Variants in ZNF536 observed in about 807,000 individuals in gnomAD.
ZNF536 encodes zinc finger protein 536.
ZNF536 carries 13 observed loss-of-function variants against 84.5 expected under a neutral mutation model. The observed-to-expected ratio is 0.15, with a 90% CI of 0.10 to 0.24. ZNF536 has a LOEUF of 0.24. Ranked by LOEUF, ZNF536 falls within the 10% of genes least tolerant of loss-of-function variation. The pLI, the probability that ZNF536 is intolerant of heterozygous loss-of-function variation, is 1.00. For missense variants in ZNF536, 1,536 were observed against 1,747.5 expected, an observed-to-expected ratio of 0.88 and a Z score of 2.16; for synonymous variants, 811 against 742.5, an observed-to-expected ratio of 1.09 and a Z score of -1.50.
intron 1 of ZNF536, among the ~76,000 whole-genome samples, chr19:30,568,867 C>T (rs1337266969): frequency 2.0e-5 from 3 of 152,234 alleles, no homozygotes. Flanking sequence ...CAGCAGGTCA[C>T]AGGACCATGG....
At chr19:30,429,435 G>A (rs569361048) in intron 1 of ZNF536, among the ~76,000 whole-genome samples, 2 of 152,228 alleles carry the variant, frequency 1.3e-5, no homozygotes, top group African/African-American at 2.4e-5. Context: ...AGCAGTAGAG[G>A]TTCAGAATGG....
chr19:30,390,301 TCTC>T (rs368534781), intron 1 of ZNF536, among the ~76,000 whole-genome samples: 3 of 152,308 alleles, frequency 2.0e-5, no homozygotes, highest in East Asian at 1.9e-4. Flanking sequence ...GCTAGGGACT[TCTC>T]CTCTTTCTCT....
At chr19:30,311,212 G>T (rs192754703) in intron 2 of ZNF536, among the ~76,000 whole-genome samples, 2 of 152,266 alleles carry the variant, frequency 1.3e-5, no homozygotes, top group Non-Finnish European at 2.9e-5. Flanking sequence ...CAGAGGTGGA[G>T]GGAGATCAGG....
At chr19:30,464,267 C>T (rs1418463707) in intron 2 of ZNF536, among the ~76,000 whole-genome samples, 1 of 152,134 alleles carries the variant, frequency 6.6e-6, no homozygotes, top group Non-Finnish European at 1.5e-5. Context: ...GTGAGTCTGA[C>T]TGAGTTTACC....
chr19:30,613,108 G>A lies in ZNF536; in HGVS notation c.169+63594G>A, dbSNP rs149180899. Among the ~76,000 whole-genome samples, 45 of 152,282 alleles carry A rather than the reference G, an allele frequency of 3.0e-4. 1 individual carries two copies. The East Asian group carries it at 7.0e-3, about 24-fold the overall frequency. On this transcript the variant is annotated intron_variant, in intron 1 of 1. Coordinates refer to the ZNF536 transcript ENST00000592773. The stretch of plus-strand genomic sequence containing the variant: ...AAAGATGCCATGGGACTGATGTCAC[G>A]TCCTCAGTGCATCCGGTCAGGAGGA...
chr19:30,711,174 T>A (rs2052443981), exon 2 of ZNF536: 3 of 151,284 alleles, frequency 2.0e-5, no homozygotes, highest in African/African-American at 4.9e-5. Context: ...AAAAAAAAAA[T>A]TCCCCAGCCC....
At chr19:30,499,307 ATGTG>A (rs1443702371) in intron 2 of ZNF536, among the ~76,000 whole-genome samples, 1 of 152,094 alleles carries the variant, frequency 6.6e-6, no homozygotes, top group Non-Finnish European at 1.5e-5. Context: ...CTATGTATCT[ATGTG>A]TGTAAGTATG....
At chr19:30,326,445 C>T (rs969054739) in intron 2 of ZNF536, among the ~76,000 whole-genome samples, 5 of 152,210 alleles carry the variant, frequency 3.3e-5, no homozygotes, top group African/African-American at 9.7e-5. Flanking sequence ...CAGCAATGTC[C>T]TCTTTTTGTT....
intron 1 of ZNF536, among the ~76,000 whole-genome samples, chr19:30,710,496 C>T (rs1345088269): frequency 2.0e-5 from 3 of 152,182 alleles, no homozygotes; most frequent in African/African-American, 7.2e-5. Context: ...GATATAATCG[C>T]ACCACTGCAC....
chr19:30,331,049 A>G (rs746667030), intron 2 of ZNF536, among the ~76,000 whole-genome samples: 10 of 152,090 alleles, frequency 6.6e-5, no homozygotes, highest in Non-Finnish European at 1.3e-4. Flanking sequence ...TGGGAGGTCA[A>G]GGCAGGAGGA....
intron 1 of ZNF536, among the ~76,000 whole-genome samples, chr19:30,617,779 T>C (rs1056709767): frequency 4.9e-4 from 74 of 152,354 alleles, no homozygotes; most frequent in African/African-American, 1.8e-3. Flanking sequence ...GTAATTTCTA[T>C]CTTTAAAAAG....
intron 2 of ZNF536, among the ~76,000 whole-genome samples, chr19:30,450,075 A>ATTTTTTTTTT (rs34039352): frequency 7.6e-6 from 1 of 131,864 alleles, no homozygotes. Context: ...TAAGATCTTC[A>ATTTTTTTTTT]TTTTTTTTTT....
intron 1 of ZNF536, among the ~76,000 whole-genome samples, chr19:30,437,422 C>T (rs944855826): frequency 6.6e-6 from 1 of 152,146 alleles, no homozygotes; most frequent in Non-Finnish European, 1.5e-5. Flanking sequence ...GCAATGATGG[C>T]AGTGATGAGA....
chr19:30,549,145 G>C lies in ZNF536; in HGVS notation c.3526G>C (p.Glu1176Gln), dbSNP rs1415222719. 7 of 1,613,970 alleles carry C rather than the reference G, an allele frequency of 4.3e-6. No individual in the cohort carries two copies. The African/African-American group carries it at 8.0e-5, about 18-fold the overall frequency. The change falls in exon 4 of 5, where the codon GAG becomes CAG. Residue 1176 changes from glutamate (E) to glutamine (Q), a missense_variant. Around this residue, in one of 8 missense-constraint regions of ZNF536, gnomAD observed 624 missense variants for 603.1 expected, o/e 1.03. Coordinates refer to ENST00000355537, the MANE Select transcript of ZNF536 (RefSeq NM_014717.3). Reference protein sequence around the residue: ...SSEDMDSSKGENNDEEDVETE... With the variant: ...SSEDMDSSKGQNNDEEDVETE... The stretch of plus-strand genomic sequence containing the variant: ...AGAGGACATGGACTCCTCCAAGGGG[G>C]AGAACAACGATGAAGAGGATGTTGA...
At chr19:30,335,074 G>A (rs905169292) in intron 2 of ZNF536, among the ~76,000 whole-genome samples, 3 of 152,152 alleles carry the variant, frequency 2.0e-5, no homozygotes, top group South Asian at 4.1e-4. Flanking sequence ...AAAGATCTCC[G>A]TACAGCATCT....
chr19:30,372,919 A>G (rs1166246855), intron 1 of ZNF536, among the ~76,000 whole-genome samples: 15 of 152,024 alleles, frequency 9.9e-5, no homozygotes, highest in Non-Finnish European at 5.9e-5. Context: ...CTGCTTCTAA[A>G]GTAACTTTCA....
intron 1 of ZNF536, among the ~76,000 whole-genome samples, chr19:30,623,254 C>T (rs562209706): frequency 3.8e-4 from 58 of 152,290 alleles, no homozygotes; most frequent in African/African-American, 1.3e-3. Flanking sequence ...AGACCAGGAA[C>T]AGCCCTTATT....
chr19:30,349,575 G>A (rs1812846259), intron 2 of ZNF536, among the ~76,000 whole-genome samples: 1 of 152,062 alleles, frequency 6.6e-6, no homozygotes. Flanking sequence ...CTACACACTG[G>A]TTCCCTAGGT....
At chr19:30,228,299 G>C (rs1461861038), upstream of ZNF536, 1 of 152,250 alleles carries the variant, frequency 6.6e-6, no homozygotes, top group Non-Finnish European at 1.5e-5. The surrounding 1 kb of genome is among the most constrained non-coding windows in gnomAD (Gnocchi z 4.5). Context: ...AGGAAAAAGA[G>C]GGGGGCGGCC....
Sources: gnomAD v4.1 joint callset for allele counts (sites outside exome capture counted in the v4.1 genomes callset) on GRCh38, gnomAD v4.1.1 for gene constraint, gnomAD v4.1.1 regional missense constraint, Gnocchi (gnomAD v3.1) non-coding constraint, MANE v1.5 for transcripts, NCBI Gene and HGNC (gene_info 2026-07-23, HGNC 2026-07-21) for gene names.